The following PRUNE2 variants were observed in gnomAD, a reference collection of about 807,000 sequenced individuals.
PRUNE2 encodes the protein protein prune homolog 2.
PRUNE2 carries 164 observed loss-of-function variants against 252.0 expected under a neutral mutation model. The observed-to-expected ratio is 0.65, with a 90% CI of 0.57 to 0.74. The LOEUF (loss-of-function observed/expected upper bound fraction) is 0.74, where lower values mean the gene tolerates loss of function less well. Ranked by LOEUF, PRUNE2 falls within the 30% of genes least tolerant of loss-of-function variation. The probability of loss-of-function intolerance (pLI) is 0.00; values close to 1 mark genes in which losing one functional copy is unlikely to be tolerated. For missense variants in PRUNE2, 3,495 were observed against 3,711.0 expected, an observed-to-expected ratio of 0.94 and a Z score of 1.51; for synonymous variants, 1,292 against 1,350.2, an observed-to-expected ratio of 0.96 and a Z score of 0.94.
chr9:76,722,275 G>A (rs1406510113), intron 6 of PRUNE2, among the ~76,000 whole-genome samples: 2 of 138,168 alleles, frequency 1.4e-5, no homozygotes, highest in Non-Finnish European at 3.1e-5. Context: ...TCACCATGTT[G>A]GCCAGGCTGG....
In PRUNE2 at chr9:76,906,099, G is replaced by A; in HGVS notation, c.-136C>T. The A allele has an allele frequency of 2.2e-6, 2 of 925,504 alleles. No homozygotes were observed. The highest frequency in any genetic ancestry group is 3.5e-6 in the Non-Finnish European group (2 of 573,466). 57.3% of individuals were successfully genotyped at this position (925,504 alleles called of 1,614,324 possible). On this transcript the variant is annotated 5_prime_UTR_variant, in exon 1 of 19. Coordinates refer to ENST00000376718, the MANE Select transcript of PRUNE2 (RefSeq NM_015225.3). ...CGACTGCTCCCTCCTGCCGCTCTGAGGCGGCTGCGGCGGAGGCTGTGCTTG... is the reference window on the plus strand; with the variant it reads ...CGACTGCTCCCTCCTGCCGCTCTGAAGCGGCTGCGGCGGAGGCTGTGCTTG...
intron 6 of PRUNE2, among the ~76,000 whole-genome samples, chr9:76,733,920 T>C (rs984027384): frequency 3.4e-5 from 5 of 147,484 alleles, no homozygotes; most frequent in Non-Finnish European, 6.0e-5. Context: ...TTAAAAGTTT[T>C]AGTTGTTTTT....
At position 76,854,217 on chromosome 9, in the gene PRUNE2, A is replaced by C; in HGVS notation, c.37-9T>G. The C allele has an allele frequency of 6.7e-7, 1 of 1,500,064 alleles. No individual in the cohort carries two copies. Among genetic ancestry groups the C allele is most frequent in the South Asian group, 1.2e-5 (1 of 81,694 alleles). 92.9% of individuals were successfully genotyped at this position (1,500,064 alleles called of 1,614,324 possible). ...AAGCGTTTGCTTCGATTCTGAAACA[A>C]ATTCAAAGGAAACATCACAATTTAA... On this transcript the variant is annotated splice_polypyrimidine_tract_variant and intron_variant, in intron 1 of 18. Transcript: ENST00000376718.
chr9:76,676,718 A>G (rs1277705910), intron 9 of PRUNE2, among the ~76,000 whole-genome samples: 1 of 152,228 alleles, frequency 6.6e-6, no homozygotes, highest in African/African-American at 2.4e-5. Flanking sequence ...ATGTTAGAAA[A>G]AAAGAAGTGC....
intron 1 of PRUNE2, among the ~76,000 whole-genome samples, chr9:76,903,322 A>T (rs1380421624): frequency 6.6e-6 from 1 of 152,166 alleles, no homozygotes; most frequent in African/African-American, 2.4e-5. Flanking sequence ...ATTTCAAACC[A>T]TTAAAAAATA....
intron 6 of PRUNE2, among the ~76,000 whole-genome samples, chr9:76,796,476 A>G (rs535620156): frequency 6.6e-6 from 1 of 152,258 alleles, no homozygotes; most frequent in East Asian, 1.9e-4. Flanking sequence ...CAAGATCCTC[A>G]TTTTGGCACG....
intron 9 of PRUNE2, among the ~76,000 whole-genome samples, chr9:76,671,527 T>C (rs1439369641): frequency 6.6e-6 from 1 of 152,124 alleles, no homozygotes; most frequent in African/African-American, 2.4e-5. Flanking sequence ...GGCAGGCCAA[T>C]GTTCAGATTC....
intron 6 of PRUNE2, among the ~76,000 whole-genome samples, chr9:76,768,051 A>G (rs910514706): frequency 6.6e-6 from 1 of 152,094 alleles, no homozygotes; most frequent in Non-Finnish European, 1.5e-5. Context: ...GGTCAGAGGG[A>G]GTCCTGTCAC....
At position 76,677,184 on chromosome 9, in the gene PRUNE2, G is replaced by A. The variant is rs116901268; in HGVS notation, c.8277-21682C>T. Among the ~76,000 whole-genome samples the A allele has an allele frequency of 3.1e-4, 47 of 152,114 alleles. No homozygotes were observed. The East Asian group carries it at 8.7e-3, about 28-fold the overall frequency. ...TTTCCAATTCAATAGTTTCTCTTTT[G>A]CAATGGTCTTTTCACTTTGGTTTCT... is the stretch of plus-strand genomic sequence containing the variant. On this transcript the variant is annotated intron_variant, in intron 9 of 18. Transcript: ENST00000376718.
intron 6 of PRUNE2, 31 bp from the exon 7 acceptor site, chr9:76,713,752 T>C (rs780744533): frequency 3.9e-6 from 6 of 1,535,652 alleles, no homozygotes; most frequent in African/African-American, 2.7e-5. Context: ...TTGATATTAA[T>C]GTCAAACTGC....
At chr9:76,832,478 C>T (rs2058721967) in intron 4 of PRUNE2, among the ~76,000 whole-genome samples, 1 of 152,016 alleles carries the variant, frequency 6.6e-6, no homozygotes, top group Non-Finnish European at 1.5e-5. Context: ...TTCTATATAA[C>T]TCATGGTAAA....
chr9:76,748,987 G>T (rs2135702105), intron 6 of PRUNE2, among the ~76,000 whole-genome samples: 1 of 152,284 alleles, frequency 6.6e-6, no homozygotes, highest in Admixed American at 6.5e-5. Context: ...CGTAAGCAAG[G>T]AAATAAAGGA....
rs2046333573 is a variant in PRUNE2, at chr9:76,706,620, T to C, written c.5654A>G (p.Asn1885Ser). 2 of 1,613,948 alleles carry C rather than the reference T, an allele frequency of 1.2e-6. No homozygotes were observed. Among genetic ancestry groups the C allele is most frequent in the East Asian group, 4.5e-5 (2 of 44,878 alleles). The change falls in exon 8 of 19, where the codon AAT (asparagine) becomes AGT (serine). Residue 1885 changes from asparagine to serine, a missense_variant. By Grantham distance (46) the Asn-to-Ser change is conservative. Coordinates refer to ENST00000376718, the MANE Select transcript of PRUNE2 (RefSeq NM_015225.3). ...DIEPVETHYT[N>S]PFSDNHQSPF... ...TGACTGATGGTTGTCACTAAAAGGA[T>C]TAGTATAGTGTGTTTCCACGGGCTC...
intron 9 of PRUNE2, among the ~76,000 whole-genome samples, chr9:76,702,141 C>A (rs1261721472): frequency 2.0e-5 from 3 of 151,488 alleles, no homozygotes; most frequent in Non-Finnish European, 4.4e-5. Context: ...CTCACTGCAA[C>A]CTCCACCTCC....
intron 9 of PRUNE2, among the ~76,000 whole-genome samples, chr9:76,696,640 G>T (rs1389447162): frequency 1.3e-5 from 2 of 152,166 alleles, no homozygotes; most frequent in Admixed American, 1.3e-4. Flanking sequence ...TGGCCAGGAT[G>T]GTCTCAAACT....
chr9:76,710,763 C>A lies in PRUNE2; in HGVS notation c.1511G>T (p.Gly504Val). ...AGAATGAGAAGATTGCTGGGACTGC[C>A]CAGAAGCCATGGGTGCTGGGTCAAA... ...FNFDPAPMASGQSQQSSHSAD... is the reference protein window; with the variant it reads ...FNFDPAPMASVQSQQSSHSAD... Residue 504 changes from glycine to valine, a missense_variant, in exon 8 of 19, where the codon GGG (glycine) becomes GTG (valine). Gly to Val is a moderately radical substitution (Grantham distance 109, BLOSUM62 -3). Coordinates refer to ENST00000376718, the MANE Select transcript of PRUNE2 (RefSeq NM_015225.3). 1 of 1,607,956 alleles carries A rather than the reference C, an allele frequency of 6.2e-7. No individual in the cohort carries two copies.
intron 6 of PRUNE2, among the ~76,000 whole-genome samples, chr9:76,764,720 G>A (rs956848954): frequency 6.6e-6 from 1 of 152,216 alleles, no homozygotes; most frequent in South Asian, 2.1e-4. Context: ...GTAGGAGCAG[G>A]GACACCAGTT....
intron 6 of PRUNE2, among the ~76,000 whole-genome samples, chr9:76,781,980 C>T (rs1410749259): frequency 1.2e-4 from 18 of 151,924 alleles, no homozygotes; most frequent in African/African-American, 3.6e-4. Flanking sequence ...TTTGGGAGGC[C>T]GAAGCAGGTG....
chr9:76,612,816 T>C lies in PRUNE2; in HGVS notation c.*1754A>G, dbSNP rs1268192537. The C allele has an allele frequency of 6.6e-6, 1 of 152,224 alleles. No homozygotes were observed. The highest frequency in any genetic ancestry group is 1.5e-5 in the Non-Finnish European group (1 of 68,060). The allele number at this position is 152,224 out of a possible 1,614,324, so 9.4% of individuals were successfully genotyped here. A position where few individuals can be genotyped will look rare whatever the true frequency, so the allele number is the denominator to read the frequency against. On this transcript the variant is annotated 3_prime_UTR_variant, in exon 19 of 19. Transcript: ENST00000376718. Reference sequence around the variant, plus strand: ...ATGAGGTCAGAGAAACTCAATCACCTGTGCAAAGATGTCGACTTTAAAGTA... The same window carrying C: ...ATGAGGTCAGAGAAACTCAATCACCCGTGCAAAGATGTCGACTTTAAAGTA...
Sources: allele counts gnomAD v4.1 joint callset (sites outside exome capture counted in the v4.1 genomes callset), GRCh38; gene constraint gnomAD v4.1.1; transcripts MANE v1.5; gene names NCBI Gene and HGNC (gene_info 2026-07-23, HGNC 2026-07-21).